The following DMD variants were observed in gnomAD, a reference collection of about 807,000 sequenced individuals.
The protein encoded by DMD is mutant dystrophin.
A neutral mutation model predicts 330.1 loss-of-function variants in DMD; 63 were observed. The observed-to-expected ratio is 0.19, with a 90% confidence interval of 0.16 to 0.24. The LOEUF is 0.24. DMD is among the 10% of genes least tolerant of loss of function. DMD has a pLI of 1.00. For missense variants in DMD, 3,344 were observed against 2,684.1 expected, an observed-to-expected ratio of 1.25 and a Z score of -5.43; for synonymous variants, 1,223 against 959.8, an observed-to-expected ratio of 1.27 and a Z score of -5.07.
chrX:31,395,616 A>T (rs1332997622), intron 60 of DMD, among the ~76,000 whole-genome samples: 1 of 112,329 alleles, frequency 8.9e-6, no homozygotes, highest in African/African-American at 3.2e-5. Context: ...TATAAAAATG[A>T]TAAGACTCAG....
At chrX:31,173,754 A>G (rs1053606065) in intron 71 of DMD, 150 bp from the exon 72 acceptor site, 40 of 403,175 alleles carry the variant, frequency 9.9e-5, no homozygotes, top group Non-Finnish European at 1.6e-4. Context: ...TATCTTAAAT[A>G]TTATCAAGTA....
At chrX:33,210,193 T>A (rs1295271791) in intron 1 of DMD, among the ~76,000 whole-genome samples, 1 of 110,885 alleles carries the variant, frequency 9.0e-6, no homozygotes, top group East Asian at 2.8e-4. Flanking sequence ...CAATGTTAAC[T>A]TATTTCCACA....
intron 43 of DMD, among the ~76,000 whole-genome samples, chrX:32,253,955 G>C (rs1324279633): frequency 9.1e-6 from 1 of 110,160 alleles, no homozygotes; most frequent in Non-Finnish European, 1.9e-5. Context: ...TTCTCTTCTG[G>C]GCATCACTAT....
At position 31,180,488 on chromosome X, in the gene DMD, A is replaced by C; in HGVS notation, c.9975-7T>G. Reference sequence around the variant, plus strand: ...GTGCTTTAGACTCCTGTACCTGATAAAGAGCAAAAACAAACACGTATGTAT... The same window carrying C: ...GTGCTTTAGACTCCTGTACCTGATACAGAGCAAAAACAAACACGTATGTAT... On this transcript the variant is annotated splice_polypyrimidine_tract_variant and splice_region_variant and intron_variant, in intron 68 of 78. Coordinates refer to ENST00000357033, the MANE Select transcript of DMD (RefSeq NM_004006.3). 9.0e-7 allele frequency: 1 copy of C among 1,114,234 alleles called. No individual in the cohort carries two copies. The highest frequency in any genetic ancestry group is 2.4e-4 in the Middle Eastern group (1 of 4,126). 91.8% of individuals were successfully genotyped at this position (1,114,234 alleles called of 1,213,427 possible). A position where few individuals can be genotyped will look rare whatever the true frequency, so the allele number is the denominator to read the frequency against.
At chrX:31,811,342 T>C in intron 50 of DMD, among the ~76,000 whole-genome samples, 1 of 112,121 alleles carries the variant, frequency 8.9e-6, no homozygotes, top group African/African-American at 3.2e-5. Flanking sequence ...GACCCCCTAC[T>C]GCCTTCATGG....
intron 2 of DMD, among the ~76,000 whole-genome samples, chrX:32,936,355 C>G (rs980050532): frequency 8.9e-6 from 1 of 111,921 alleles, no homozygotes; most frequent in Non-Finnish European, 1.9e-5. Context: ...AGGTGATCTG[C>G]CTGCCTCGGC....
intron 34 of DMD, among the ~76,000 whole-genome samples, chrX:32,370,097 C>T (rs186220909): frequency 1.8e-5 from 2 of 110,774 alleles, no homozygotes; most frequent in East Asian, 2.8e-4. Flanking sequence ...GTAACATATT[C>T]GTGGAAAGAA....
intron 17 of DMD, among the ~76,000 whole-genome samples, chrX:32,536,800 A>T (rs948612193): frequency 1.8e-5 from 2 of 111,390 alleles, no homozygotes; most frequent in Non-Finnish European, 3.8e-5. Flanking sequence ...GAAGCTGGAG[A>T]GGTAGGCAGC....
At chrX:32,580,308 G>C (rs1436905647) in intron 13 of DMD, among the ~76,000 whole-genome samples, 1 of 111,936 alleles carries the variant, frequency 8.9e-6, no homozygotes, top group African/African-American at 3.2e-5. Flanking sequence ...TTATCAATAG[G>C]TGGCTTTCCC....
At chrX:31,918,516 A>G (rs1376498570) in intron 47 of DMD, among the ~76,000 whole-genome samples, 1 of 112,248 alleles carries the variant, frequency 8.9e-6, no homozygotes, top group Non-Finnish European at 1.9e-5. Context: ...GAAGCTGGAA[A>G]GGGGTATCTT....
At chrX:33,234,856 A>G (rs1194197404) in intron 1 of DMD, among the ~76,000 whole-genome samples, 1 of 111,603 alleles carries the variant, frequency 9.0e-6, no homozygotes, top group African/African-American at 3.3e-5. Flanking sequence ...GGCCACTCTC[A>G]GTGATTCTTT....
intron 60 of DMD, among the ~76,000 whole-genome samples, chrX:31,403,404 C>T (rs1233294052): frequency 1.8e-5 from 2 of 111,364 alleles, no homozygotes; most frequent in South Asian, 3.8e-4. Context: ...ACGTTAAATC[C>T]GCTGTTCTGA....
At chrX:31,711,273 C>T (rs1178981380) in intron 52 of DMD, among the ~76,000 whole-genome samples, 1 of 110,946 alleles carries the variant, frequency 9.0e-6, no homozygotes, top group Non-Finnish European at 1.9e-5. Context: ...TGAAAACATA[C>T]ATCTGCTAAA....
At chrX:31,861,736 TACACACAC>T (rs753295784) in intron 48 of DMD, among the ~76,000 whole-genome samples, 16 of 76,868 alleles carry the variant, frequency 2.1e-4, no homozygotes, top group Admixed American at 1.1e-3. Flanking sequence ...AAGAGTGCTA[TACACACAC>T]ACACACACAC....
intron 64 of DMD, among the ~76,000 whole-genome samples, chrX:31,215,561 C>T (rs1454622572): frequency 1.8e-5 from 2 of 112,016 alleles, no homozygotes; most frequent in Non-Finnish European, 3.8e-5. Context: ...TATTAATCAG[C>T]TGTGTCAGGA....
chrX:32,940,682 C>T (rs1416782663), intron 2 of DMD, among the ~76,000 whole-genome samples: 1 of 111,523 alleles, frequency 9.0e-6, no homozygotes, highest in East Asian at 2.8e-4. Flanking sequence ...AAATGTAAGA[C>T]CTCAAACTAG....
intron 2 of DMD, among the ~76,000 whole-genome samples, chrX:32,961,982 A>G (rs760823653): frequency 8.9e-6 from 1 of 112,015 alleles, no homozygotes; most frequent in African/African-American, 3.2e-5. Context: ...AATAATTTGT[A>G]CTTTTGATTG....
intron 50 of DMD, among the ~76,000 whole-genome samples, chrX:31,817,778 T>C (rs1415644043): frequency 9.0e-6 from 1 of 111,527 alleles, no homozygotes; most frequent in Non-Finnish European, 1.9e-5. Context: ...GTATCTCTCA[T>C]GGCTTCCATC....
At chrX:31,423,281 T>G (rs1016557911) in intron 60 of DMD, among the ~76,000 whole-genome samples, 2 of 111,724 alleles carry the variant, frequency 1.8e-5, no homozygotes, top group African/African-American at 6.5e-5. Context: ...ATAATTTTTT[T>G]GAGAGGATGT....
Sources: gnomAD v4.1 joint callset for allele counts (sites outside exome capture counted in the v4.1 genomes callset) on GRCh38, gnomAD v4.1.1 for gene constraint, MANE v1.5 for transcripts, NCBI Gene and HGNC (gene_info 2026-07-23, HGNC 2026-07-21) for gene names.